Variants in ABLIM1 observed in about 807,000 individuals in gnomAD.
The protein encoded by ABLIM1 is actin-binding LIM protein 1.
ABLIM1 carries 40 observed loss-of-function variants against 107.0 expected under a neutral mutation model. That is an observed-to-expected ratio of 0.37 (90% CI 0.29 to 0.49). The LOEUF is 0.49. Ranked by LOEUF, ABLIM1 falls within the 20% of genes least tolerant of loss-of-function variation. The pLI, the probability that ABLIM1 is intolerant of heterozygous loss-of-function variation, is 0.97. For missense variants in ABLIM1, 857 were observed against 1,008.5 expected (o/e 0.85, Z 2.04); for synonymous variants, 357 against 357.3 (o/e 1.00, Z 0.01).
At chr10:114,478,112 A>G (rs947255309) in intron 8 of ABLIM1, among the ~76,000 whole-genome samples, 1 of 152,184 alleles carries the variant, frequency 6.6e-6, no homozygotes, top group Non-Finnish European at 1.5e-5. Context: ...CACTATTAAT[A>G]CTGTTGAGCT....
At chr10:114,510,227 T>C (rs2061665661) in intron 6 of ABLIM1, among the ~76,000 whole-genome samples, 1 of 152,094 alleles carries the variant, frequency 6.6e-6, no homozygotes, top group South Asian at 2.1e-4. Context: ...ATCAACAGGG[T>C]AGTTTTAAAA....
At chr10:114,588,663 T>A (rs181163698) in intron 2 of ABLIM1, among the ~76,000 whole-genome samples, 2 of 151,526 alleles carry the variant, frequency 1.3e-5, no homozygotes, top group East Asian at 3.9e-4. Flanking sequence ...CCTGGCTAAT[T>A]TTTTTGTATT....
At chr10:114,597,688 G>A (rs1303450806) in intron 2 of ABLIM1, among the ~76,000 whole-genome samples, 2 of 152,230 alleles carry the variant, frequency 1.3e-5, no homozygotes, top group African/African-American at 2.4e-5. Context: ...TACGAGGGCA[G>A]TTGGTGCCTA....
chr10:114,661,214 G>A (rs909915871), upstream of ABLIM1, among the ~76,000 whole-genome samples: 3 of 152,148 alleles, frequency 2.0e-5, no homozygotes, highest in African/African-American at 4.8e-5. Flanking sequence ...TCATGAAGAC[G>A]GCTAATGAGA....
intron 1 of ABLIM1, among the ~76,000 whole-genome samples, chr10:114,708,456 T>C (rs547513625): frequency 6.6e-6 from 1 of 152,224 alleles, no homozygotes; most frequent in South Asian, 2.1e-4. Flanking sequence ...CCTCCTTCCC[T>C]GGGACCCCAA....
chr10:114,658,252 C>T lies in ABLIM1; in HGVS notation c.-52G>A, dbSNP rs745317469. 46 of 1,547,804 alleles carry T rather than the reference C, an allele frequency of 3.0e-5. No homozygotes were observed. The highest frequency in any genetic ancestry group is 3.7e-5 in the Non-Finnish European group (42 of 1,145,418). On this transcript the variant is annotated 5_prime_UTR_variant, in exon 1 of 23. Transcript: ENST00000533213. ...AAATGGGGAGTGGGGACCCAAGGAGCGGTGCTGCCCCACAATTCTCTCTGT... is the reference window on the plus strand; with the variant it reads ...AAATGGGGAGTGGGGACCCAAGGAGTGGTGCTGCCCCACAATTCTCTCTGT...
intron 1 of ABLIM1, among the ~76,000 whole-genome samples, chr10:114,683,423 T>C (rs921937931): frequency 1.3e-5 from 2 of 152,220 alleles, no homozygotes; most frequent in Non-Finnish European, 2.9e-5. Context: ...TATTCATCAG[T>C]TACAGCGTGT....
At chr10:114,460,464 G>T (rs755463114) in intron 12 of ABLIM1, among the ~76,000 whole-genome samples, 1 of 152,192 alleles carries the variant, frequency 6.6e-6, no homozygotes, top group Non-Finnish European at 1.5e-5. Context: ...AGCTAGGCGT[G>T]GTGGCGCACG....
intron 6 of ABLIM1, among the ~76,000 whole-genome samples, chr10:114,525,942 C>A (rs1180177861): frequency 6.6e-6 from 1 of 151,938 alleles, no homozygotes; most frequent in African/African-American, 2.4e-5. Flanking sequence ...AACACTTTCC[C>A]CCCAAAAAAA....
chr10:114,434,158 A>G lies in ABLIM1; in HGVS notation c.*2102T>C, dbSNP rs10787530. The stretch of plus-strand genomic sequence containing the variant: ...TAGAAAAAGCATGGAATAAGCAAGA[A>G]GCCACTGAGACACCAAAGGCTAAAC... On this transcript the variant is annotated 3_prime_UTR_variant, in exon 23 of 23. Transcript: ENST00000533213. 97,793 of 152,134 alleles carry G rather than the reference A, an allele frequency of 0.64. 31,947 individuals are homozygous for G. Among genetic ancestry groups the G allele is most frequent in the African/African-American group, 0.77 (31,816 of 41,484 alleles). 9.4% of individuals were successfully genotyped at this position (152,134 alleles called of 1,614,324 possible). A position where few individuals can be genotyped will look rare whatever the true frequency, so the allele number is the denominator to read the frequency against.
At chr10:114,549,585 C>A (rs2067800210) in intron 4 of ABLIM1, among the ~76,000 whole-genome samples, 1 of 151,816 alleles carries the variant, frequency 6.6e-6, no homozygotes, top group African/African-American at 2.4e-5. Context: ...GTTCACATAA[C>A]CTTGAGATCC....
chr10:114,554,876 A>G (rs1458774443), intron 4 of ABLIM1, among the ~76,000 whole-genome samples: 1 of 152,200 alleles, frequency 6.6e-6, no homozygotes, highest in East Asian at 1.9e-4. Flanking sequence ...ACTGGAGTCA[A>G]ATTCCAGCTC....
intron 6 of ABLIM1, among the ~76,000 whole-genome samples, chr10:114,504,058 T>G (rs1476423258): frequency 1.3e-5 from 2 of 152,258 alleles, no homozygotes; most frequent in Non-Finnish European, 2.9e-5. Flanking sequence ...AAAATTGGCT[T>G]CTTCTAGTCA....
intron 12 of ABLIM1, among the ~76,000 whole-genome samples, chr10:114,458,626 G>A (rs1230444282): frequency 5.9e-5 from 9 of 152,158 alleles, no homozygotes; most frequent in Non-Finnish European, 8.8e-5. Context: ...TGTCTAAAGC[G>A]TCAATAAGAG....
At chr10:114,784,295 G>A in the ABLIM1 span, among the ~76,000 whole-genome samples, 2 of 150,566 alleles carry the variant, frequency 1.3e-5, no homozygotes, top group East Asian at 1.9e-4. Flanking sequence ...GCAGTGAGCC[G>A]AGATCGTGCC....
At chr10:114,525,551 A>G (rs2064561404) in intron 6 of ABLIM1, among the ~76,000 whole-genome samples, 1 of 152,264 alleles carries the variant, frequency 6.6e-6, no homozygotes, top group African/African-American at 2.4e-5. Flanking sequence ...TATACCAATG[A>G]GCCGTGGCAA....
At chr10:114,765,346 GC>G (rs1201181992) in intron 1 of ABLIM1, among the ~76,000 whole-genome samples, 2 of 145,406 alleles carry the variant, frequency 1.4e-5, no homozygotes, top group African/African-American at 5.0e-5. Context: ...ACTGCGCCCG[GC>G]CATTTTCAAC....
At chr10:114,785,539 T>A in the ABLIM1 span, among the ~76,000 whole-genome samples, 1 of 152,152 alleles carries the variant, frequency 6.6e-6, no homozygotes, top group East Asian at 1.9e-4. Context: ...CTTAGTATAA[T>A]GGGTAGGGGG....
rs1009088854 is a variant in ABLIM1 at position 114,465,551 on chromosome 10, A to T, written c.1441+147T>A. ...TTCAAGAAAAGATAGAGCATAAAAT[A>T]TAGTTGGATACCAGTTTTCATTTTG... On this transcript the variant is annotated intron_variant, in intron 12 of 22. Transcript: ENST00000533213. The T allele has an allele frequency of 4.5e-6, 4 of 885,126 alleles. No homozygotes were observed. The East Asian group carries it at 1.1e-4, about 24-fold the overall frequency. 54.8% of individuals were successfully genotyped at this position (885,126 alleles called of 1,614,324 possible). A position where few individuals can be genotyped will look rare whatever the true frequency, so the allele number is the denominator to read the frequency against.
Sources: gnomAD v4.1 joint callset for allele counts (sites outside exome capture counted in the v4.1 genomes callset) on GRCh38, gnomAD v4.1.1 for gene constraint, MANE v1.5 for transcripts, NCBI Gene and HGNC (gene_info 2026-07-23, HGNC 2026-07-21) for gene names.